The following TUSC3 variants were observed in gnomAD, a reference collection of about 807,000 sequenced individuals.
TUSC3 encodes the protein tumor suppressor candidate 3.
In TUSC3, 45 loss-of-function variants were observed where a neutral mutation model predicts 44.8. That is an observed-to-expected ratio of 1.00 (90% confidence interval 0.79 to 1.29). The LOEUF (loss-of-function observed/expected upper bound fraction) is 1.29. TUSC3 is among the 50% of genes most tolerant of loss of function. The pLI is 0.00. For missense variants in TUSC3, 519 were observed against 437.9 expected, an observed-to-expected ratio of 1.19 and a Z score of -1.65; for synonymous variants, 212 against 152.9, an observed-to-expected ratio of 1.39 and a Z score of -2.85.
the TUSC3 span, among the ~76,000 whole-genome samples, chr8:15,805,833 G>A: frequency 6.6e-6 from 1 of 152,104 alleles, no homozygotes; most frequent in African/African-American, 2.4e-5. Flanking sequence ...GATAGAATGA[G>A]TTAGGGAGGA....
chr8:15,757,980 C>T, intron 10 of TUSC3, 125 bp downstream of exon 10: 10 of 1,483,790 alleles, frequency 6.7e-6, no homozygotes, highest in Middle Eastern at 3.8e-4. Context: ...TAACTTTTAA[C>T]TGTGAGATTC....
intron 6 of TUSC3, among the ~76,000 whole-genome samples, chr8:15,679,532 G>A (rs1046887819): frequency 1.3e-5 from 2 of 152,044 alleles, no homozygotes; most frequent in Non-Finnish European, 2.9e-5. Flanking sequence ...ATTTTCTCCT[G>A]TTGTGTAGGT....
chr8:15,682,810 TC>T (rs147536812), intron 6 of TUSC3, among the ~76,000 whole-genome samples: 3,521 of 142,980 alleles, frequency 0.025, 137 homozygotes, highest in African/African-American at 0.082. Context: ...TCTAGAACTT[TC>T]TTTTTTTTTT....
chr8:15,602,837 A>G (rs1804348406), intron 1 of TUSC3, among the ~76,000 whole-genome samples: 1 of 151,626 alleles, frequency 6.6e-6, no homozygotes, highest in Non-Finnish European at 1.5e-5. Context: ...TATACAAAGA[A>G]AAAAGGAACT....
chr8:15,682,317 T>C (rs1433923632), intron 6 of TUSC3, among the ~76,000 whole-genome samples: 1 of 152,164 alleles, frequency 6.6e-6, no homozygotes. Context: ...TAGAATTTTT[T>C]TATGAATGTT....
At chr8:15,511,599 G>C (rs566255178) in intron 2 of TUSC3, among the ~76,000 whole-genome samples, 1 of 152,316 alleles carries the variant, frequency 6.6e-6, no homozygotes, top group African/African-American at 2.4e-5. Flanking sequence ...ACTGGGTGCA[G>C]TAGCTCACGC....
intron 5 of TUSC3, among the ~76,000 whole-genome samples, chr8:15,662,787 G>A (rs900578970): frequency 6.6e-6 from 1 of 151,922 alleles, no homozygotes; most frequent in East Asian, 1.9e-4. Context: ...TGGAGTGTAA[G>A]GTTATGTGTG....
At chr8:15,582,547 C>G (rs770069331) in intron 1 of TUSC3, among the ~76,000 whole-genome samples, 4 of 152,104 alleles carry the variant, frequency 2.6e-5, no homozygotes, top group Non-Finnish European at 5.9e-5. Flanking sequence ...CTCAAAGAGA[C>G]TAAACATTAA....
intron 2 of TUSC3, among the ~76,000 whole-genome samples, chr8:15,641,348 A>G (rs1806358881): frequency 7.1e-6 from 1 of 141,624 alleles, no homozygotes; most frequent in South Asian, 2.3e-4. Context: ...CGACAGAGAG[A>G]GAGACTCCGT....
intron 1 of TUSC3, among the ~76,000 whole-genome samples, chr8:15,450,499 G>A (rs1800183371): frequency 6.6e-6 from 1 of 152,134 alleles, no homozygotes; most frequent in Non-Finnish European, 1.5e-5. Context: ...GCCTGACCAA[G>A]ATGGTGAAAC....
At chr8:15,573,916 G>C (rs563865717) in intron 1 of TUSC3, among the ~76,000 whole-genome samples, 4 of 152,180 alleles carry the variant, frequency 2.6e-5, no homozygotes, top group African/African-American at 7.2e-5. Flanking sequence ...GAGGGGGAGA[G>C]AATATTATCT....
At chr8:15,542,889 G>A (rs1801736522) in intron 1 of TUSC3, among the ~76,000 whole-genome samples, 1 of 152,316 alleles carries the variant, frequency 6.6e-6, no homozygotes, top group Non-Finnish European at 1.5e-5. Flanking sequence ...AGCTTAAATA[G>A]TTGATGTTTT....
the TUSC3 span, among the ~76,000 whole-genome samples, chr8:15,817,520 A>C: frequency 6.6e-6 from 1 of 152,054 alleles, no homozygotes; most frequent in East Asian, 1.9e-4. Flanking sequence ...AGGTAATTGA[A>C]TCATGGGGGT....
chr8:15,673,561 A>C (rs1808049363), intron 5 of TUSC3, among the ~76,000 whole-genome samples, 186 bp from the exon 6 acceptor site: 1 of 152,092 alleles, frequency 6.6e-6, no homozygotes, highest in Non-Finnish European at 1.5e-5. Flanking sequence ...TAGATACGGA[A>C]TCTGAGATGC....
intron 2 of TUSC3, among the ~76,000 whole-genome samples, chr8:15,516,009 G>A (rs1292186896): frequency 6.6e-6 from 1 of 152,034 alleles, no homozygotes; most frequent in Non-Finnish European, 1.5e-5. Flanking sequence ...TATGTCCTTA[G>A]CATTTTCTCA....
At chr8:15,603,590 A>C (rs1438883395) in intron 1 of TUSC3, among the ~76,000 whole-genome samples, 1 of 151,676 alleles carries the variant, frequency 6.6e-6, no homozygotes, top group Non-Finnish European at 1.5e-5. Flanking sequence ...TCATTATTAC[A>C]ATATAAAAAT....
chr8:15,417,739 G>C (rs1487340145), intron 1 of TUSC3, among the ~76,000 whole-genome samples: 1 of 152,206 alleles, frequency 6.6e-6, no homozygotes, highest in Non-Finnish European at 1.5e-5. Flanking sequence ...TGCACAGCTG[G>C]TAGGATATTC....
chr8:15,480,784 C>G (rs1333622054), intron 1 of TUSC3, among the ~76,000 whole-genome samples: 1 of 152,148 alleles, frequency 6.6e-6, no homozygotes, highest in African/African-American at 2.4e-5. Flanking sequence ...CCTCATTTAA[C>G]CTATTACCTA....
At chr8:15,845,920 T>C in the TUSC3 span, among the ~76,000 whole-genome samples, 2 of 152,142 alleles carry the variant, frequency 1.3e-5, no homozygotes, top group South Asian at 2.1e-4. Context: ...GGACTTACAG[T>C]TCCATATGGC....
Sources: gnomAD v4.1 joint callset for allele counts (sites outside exome capture counted in the v4.1 genomes callset) on GRCh38, gnomAD v4.1.1 for gene constraint, MANE v1.5 for transcripts, NCBI Gene and HGNC (gene_info 2026-07-23, HGNC 2026-07-21) for gene names.